TRPM6: variants seen among roughly 807,000 people sequenced by gnomAD.
TRPM6 encodes the protein transient receptor potential cation channel subfamily M member 6.
A neutral mutation model predicts 247.6 loss-of-function variants in TRPM6; 111 were observed. The observed-to-expected ratio is 0.45, with a 90% CI of 0.38 to 0.52. The LOEUF (loss-of-function observed/expected upper bound fraction) is 0.52, where lower values mean the gene tolerates loss of function less well. Ranked by LOEUF, TRPM6 falls within the 20% of genes least tolerant of loss-of-function variation. TRPM6 has a pLI of 0.00. For synonymous variants in TRPM6, 892 were observed against 853.8 expected, an observed-to-expected ratio of 1.04 and a Z score of -0.78; for missense variants, 2,126 against 2,421.5, an observed-to-expected ratio of 0.88 and a Z score of 2.56.
At chr9:74,830,749 GTTTTTTTTTTT>G (rs71368685) in intron 6 of TRPM6, among the ~76,000 whole-genome samples, 2 of 87,262 alleles carry the variant, frequency 2.3e-5, no homozygotes, top group Non-Finnish European at 4.0e-5. Context: ...GCTAATTTTT[GTTTTTTTTTTT>G]TTTTTTTTTT....
chr9:74,761,627 A>T (rs1826635078), intron 27 of TRPM6, 69 bp downstream of exon 27: 4 of 919,288 alleles, frequency 4.4e-6, no homozygotes, highest in Non-Finnish European at 7.3e-6. Context: ...CAGTAAAGAT[A>T]AATCAAACTA....
intron 3 of TRPM6, among the ~76,000 whole-genome samples, chr9:74,847,036 C>T (rs140734995): frequency 2.0e-5 from 3 of 152,252 alleles, no homozygotes; most frequent in African/African-American, 4.8e-5. Flanking sequence ...AGTACACAGA[C>T]GAGGTGTTCT....
intron 7 of TRPM6, among the ~76,000 whole-genome samples, chr9:74,826,025 C>G (rs997339568): frequency 6.6e-6 from 1 of 151,890 alleles, no homozygotes; most frequent in Non-Finnish European, 1.5e-5. Context: ...GTTAAGTGAA[C>G]GACCACAATT....
chr9:74,802,651 T>G (rs1358601699), intron 15 of TRPM6, among the ~76,000 whole-genome samples: 1 of 152,210 alleles, frequency 6.6e-6, no homozygotes, highest in East Asian at 1.9e-4. Context: ...TTTAAAAAGC[T>G]CTAACCTCAC....
intron 31 of TRPM6, among the ~76,000 whole-genome samples, chr9:74,745,625 G>A (rs964909476): frequency 2.0e-5 from 3 of 152,114 alleles, no homozygotes; most frequent in Admixed American, 2.0e-4. Context: ...ATGTATAAAT[G>A]AAGAGTATTC....
intron 27 of TRPM6, among the ~76,000 whole-genome samples, chr9:74,758,340 G>T (rs955375916): frequency 6.6e-6 from 1 of 151,896 alleles, no homozygotes; most frequent in Non-Finnish European, 1.5e-5. Flanking sequence ...GTGAACTAAA[G>T]ACAACTATCC....
At chr9:74,731,714 A>G (rs1825528329) in intron 37 of TRPM6, among the ~76,000 whole-genome samples, 1 of 148,342 alleles carries the variant, frequency 6.7e-6, no homozygotes, top group African/African-American at 2.4e-5. Flanking sequence ...TATATAATAT[A>G]TATAATATAT....
intron 35 of TRPM6, 75 bp downstream of exon 35, chr9:74,739,292 A>C (rs1483899710): frequency 7.6e-7 from 1 of 1,322,950 alleles, no homozygotes; most frequent in Non-Finnish European, 1.1e-6. Flanking sequence ...AAGATTTCTC[A>C]TGAGTAATGG....
At chr9:74,726,403 G>A (rs534041158) in intron 38 of TRPM6, among the ~76,000 whole-genome samples, 1 of 152,214 alleles carries the variant, frequency 6.6e-6, no homozygotes, top group African/African-American at 2.4e-5. Context: ...CCAGCTATTA[G>A]GGAGGCTGAG....
rs1828603795 is a variant in TRPM6, at chr9:74,808,270, G to A, written c.1498-96C>T. On this transcript the variant is annotated intron_variant, in intron 13 of 38. Transcript: ENST00000360774. ...AACATAATCAAATTAATTGCAAGAA[G>A]GTAGACATACCTTTTAAATATCTTT... The A allele has an allele frequency of 2.9e-5, 43 of 1,458,376 alleles. No homozygotes were observed. In the South Asian group the frequency reaches 4.8e-4, roughly 16 times the overall value. The allele number at this position is 1,458,376 out of a possible 1,614,324, so 90.3% of individuals were successfully genotyped here.
intron 2 of TRPM6, 123 bp downstream of exon 2, chr9:74,858,546 C>A: frequency 1.6e-6 from 1 of 610,510 alleles, no homozygotes; most frequent in Non-Finnish European, 2.8e-6. Context: ...AAGAAATAAA[C>A]ATTGAAAATT....
chr9:74,843,028 A>C (rs1408791749), intron 3 of TRPM6, among the ~76,000 whole-genome samples: 1 of 152,202 alleles, frequency 6.6e-6, no homozygotes, highest in African/African-American at 2.4e-5. Flanking sequence ...CTACTTTCAA[A>C]ACTGGAGTCA....
At chr9:74,777,259 G>A (rs974473305) in intron 23 of TRPM6, among the ~76,000 whole-genome samples, 2 of 152,164 alleles carry the variant, frequency 1.3e-5, no homozygotes, top group Non-Finnish European at 2.9e-5. Context: ...AGCAGGTGGC[G>A]ACTTAACAGT....
chr9:74,839,335 A>G (rs558670549), intron 5 of TRPM6, among the ~76,000 whole-genome samples: 69 of 152,294 alleles, frequency 4.5e-4, no homozygotes, highest in African/African-American at 1.6e-3. Flanking sequence ...CAAAGAAATA[A>G]GGTCAGAGCC....
intron 27 of TRPM6, among the ~76,000 whole-genome samples, chr9:74,760,492 AT>A (rs1175337673): frequency 6.6e-6 from 1 of 152,218 alleles, no homozygotes; most frequent in African/African-American, 2.4e-5. Context: ...TGTTTGTGCC[AT>A]GATGAAATCA....
chr9:74,834,855 G>T (rs1245806595), intron 5 of TRPM6, among the ~76,000 whole-genome samples: 1 of 152,070 alleles, frequency 6.6e-6, no homozygotes, highest in East Asian at 1.9e-4. Flanking sequence ...ATTTGAGTTG[G>T]TTCCAAGTCT....
rs59044061 is a variant in TRPM6 at position 74,824,511 on chromosome 9, G to GAAA, written c.842-2677_842-2675dup. ...ATCAAATATATTTATGGCTTTTTCT[G>GAAA]AAAAAAAAAAAAAAAAAAAAAAAAA... On this transcript the variant is annotated intron_variant, in intron 7 of 38. Transcript: ENST00000360774. Among the ~76,000 whole-genome samples, 132 of 46,932 alleles carry GAAA rather than the reference G, an allele frequency of 2.8e-3. 1 individual carries two copies. Among genetic ancestry groups the GAAA allele is most frequent in the Middle Eastern group, 0.022 (1 of 46 alleles). The allele number at this position is 46,932 out of a possible 152,430, so 30.8% of individuals were successfully genotyped here.
chr9:74,820,328 C>T lies in TRPM6; in HGVS notation c.1110G>A (p.Met370Ile). 1 of 1,614,106 alleles carries T rather than the reference C, an allele frequency of 6.2e-7. No individual in the cohort carries two copies. The change falls in exon 9 of 39, where the codon ATG (methionine) becomes ATA (isoleucine). Residue 370 changes from methionine to isoleucine, a missense_variant. Met to Ile is a conservative substitution (Grantham distance 10). Transcript: ENST00000360774. ...KQSKHLFQIL[M>I]ECMVHRDCIT... is the part of the protein sequence containing the mutation. ...CACAATCCCTGTGAACCATACACTC[C>T]ATTAGAATTTGGAAAAGGTGCTTGG...
chr9:74,796,946 C>T (rs1828120513), intron 17 of TRPM6, 53 bp from the exon 18 acceptor site: 3 of 1,478,642 alleles, frequency 2.0e-6, no homozygotes, highest in South Asian at 2.3e-5. Flanking sequence ...AAAGCACATA[C>T]TAGACAAATA....
Sources: gnomAD v4.1 joint callset for allele counts (sites outside exome capture counted in the v4.1 genomes callset) on GRCh38, gnomAD v4.1.1 for gene constraint, MANE v1.5 for transcripts, NCBI Gene and HGNC (gene_info 2026-07-23, HGNC 2026-07-21) for gene names.